Variants in GRIPAP1 observed in about 807,000 individuals in gnomAD.
GRIPAP1 encodes the protein GRIP1-associated protein 1.
A neutral mutation model predicts 84.1 loss-of-function variants in GRIPAP1; 14 were observed. The ratio of observed to expected loss-of-function variants is 0.17; its 90% CI spans 0.11 to 0.26. The LOEUF is 0.26. GRIPAP1 is among the 10% of genes least tolerant of loss of function. The pLI is 1.00. For missense variants in GRIPAP1, 518 were observed against 674.2 expected, an observed-to-expected ratio of 0.77 and a Z score of 2.57; for synonymous variants, 261 against 256.8, an observed-to-expected ratio of 1.02 and a Z score of -0.15.
chrX:48,975,757 G>A, intron 24 of GRIPAP1: 1 of 380,667 alleles, frequency 2.6e-6, no homozygotes, highest in Admixed American at 5.0e-5. Flanking sequence ...AGAGGAAGAT[G>A]AGGCACAGGG....
At chrX:48,988,010 C>CACACACACACACACACA in intron 12 of GRIPAP1, 111 bp downstream of exon 12, 1 of 630,923 alleles carries the variant, frequency 1.6e-6, no homozygotes, top group East Asian at 3.6e-5. Flanking sequence ...CACACACACA[C>CACACACACACACACACA]GAAGGCCTGG....
At position 48,978,301 on chromosome X, in the gene GRIPAP1, T is replaced by C. The variant is rs1402698518; in HGVS notation, c.2061+4A>G. 3 of 1,207,472 alleles carry C rather than the reference T, an allele frequency of 2.5e-6. No homozygotes were observed. In the Admixed American group the frequency reaches 6.6e-5, roughly 27 times the overall value. On this transcript the variant is annotated splice_donor_region_variant and intron_variant, in intron 22 of 25. Transcript: ENST00000376423. ...GGAGCTGTAGGTTCTTCCTTTCCCC[T>C]TACCCTGGCTGGAACAGCCGAGCTC...
intron 19 of GRIPAP1, 54 bp from the exon 20 acceptor site, chrX:48,981,526 T>C: frequency 8.5e-7 from 1 of 1,178,015 alleles, no homozygotes. Context: ...GCCTGAAGCA[T>C]GCTCCCTCCC....
At chrX:48,981,985 AG>A (rs1300453362) in intron 17 of GRIPAP1, 113 bp from the exon 18 acceptor site, 13 of 506,079 alleles carry the variant, frequency 2.6e-5, no homozygotes, top group African/African-American at 9.3e-5. Context: ...ACCCTCCTGC[AG>A]GGAACCCCAC....
chrX:49,002,257 T>TTCTGCGCGAGCTGCG lies in GRIPAP1; in HGVS notation c.-29_-28insCGCAGCTCGCGCAGA. The TTCTGCGCGAGCTGCG allele has an allele frequency of 9.8e-7, 1 of 1,023,688 alleles. No individual in the cohort carries two copies. The highest frequency in any genetic ancestry group is 1.4e-6 in the Non-Finnish European group (1 of 737,260). The allele number at this position is 1,023,688 out of a possible 1,213,427, so 84.4% of individuals were successfully genotyped here. A position where few individuals can be genotyped will look rare whatever the true frequency, so the allele number is the denominator to read the frequency against. On this transcript the variant is annotated 5_prime_UTR_variant, in exon 1 of 26. Transcript: ENST00000376423. ...TCCTCCCCCCACCCCCCCGCCAGCT[T>TTCTGCGCGAGCTGCG]TCTGCGCAGACGCAGCTCGCGCCTC... is the stretch of plus-strand genomic sequence containing the variant.
chrX:48,975,674 T>C (rs1159911909), intron 24 of GRIPAP1: 4 of 328,805 alleles, frequency 1.2e-5, no homozygotes, highest in African/African-American at 1.1e-4. Context: ...AGGAAAACAA[T>C]ATAGACAGCG....
At chrX:48,987,510 G>C (rs1557064220) in intron 13 of GRIPAP1, among the ~76,000 whole-genome samples, 1 of 94,668 alleles carries the variant, frequency 1.1e-5, no homozygotes, top group Non-Finnish European at 2.1e-5. Flanking sequence ...ACAGTGGTGC[G>C]ATCTCGGCTC....
intron 5 of GRIPAP1, among the ~76,000 whole-genome samples, chrX:48,996,359 A>G (rs956550129): frequency 3.6e-5 from 4 of 112,199 alleles, no homozygotes; most frequent in Admixed American, 9.5e-5. Flanking sequence ...TAATCCCAAC[A>G]CTTTGGGAGG....
intron 4 of GRIPAP1, among the ~76,000 whole-genome samples, 183 bp from the exon 5 acceptor site, chrX:48,997,540 A>T (rs782031976): frequency 9.1e-6 from 1 of 109,600 alleles, no homozygotes; most frequent in South Asian, 4.0e-4. Context: ...AAGGAAGATA[A>T]AGACATGGGA....
At chrX:48,994,892 G>A (rs1237667593) in intron 5 of GRIPAP1, among the ~76,000 whole-genome samples, 9 of 111,700 alleles carry the variant, frequency 8.1e-5, no homozygotes, top group Non-Finnish European at 1.5e-4. Flanking sequence ...GAATAATGTA[G>A]AGTACTTCAA....
chrX:48,995,175 C>T (rs2064540953), intron 5 of GRIPAP1, among the ~76,000 whole-genome samples: 1 of 112,061 alleles, frequency 8.9e-6, no homozygotes, highest in Non-Finnish European at 1.9e-5. Context: ...GAGAGCACTT[C>T]CAGTTCCTGG....
At chrX:48,996,920 A>C (rs1467745361) in intron 5 of GRIPAP1, among the ~76,000 whole-genome samples, 1 of 111,374 alleles carries the variant, frequency 9.0e-6, no homozygotes, top group African/African-American at 3.3e-5. Context: ...TCCTATATTA[A>C]GCATAAGAAC....
chrX:48,988,516 C>A (rs1298228573), intron 11 of GRIPAP1: 2 of 256,527 alleles, frequency 7.8e-6, no homozygotes, highest in Non-Finnish European at 1.4e-5. Flanking sequence ...AGCTTGGGAG[C>A]TCCAGGATTC....
At chrX:48,992,199 TTTTGCCATG>T (rs1341930329) in intron 6 of GRIPAP1, among the ~76,000 whole-genome samples, 1 of 111,430 alleles carries the variant, frequency 9.0e-6, no homozygotes, top group African/African-American at 3.3e-5. Context: ...AGAAATGGGG[TTTTGCCATG>T]TTGGCCAGGC....
chrX:48,976,446 C>T, intron 22 of GRIPAP1, 83 bp from the exon 23 acceptor site: 1 of 1,084,464 alleles, frequency 9.2e-7, no homozygotes, highest in Non-Finnish European at 1.2e-6. Context: ...GGGAGGAGAA[C>T]CAGGCCAGAG....
intron 15 of GRIPAP1, 107 bp from the exon 16 acceptor site, chrX:48,983,547 C>G: frequency 1.6e-6 from 1 of 641,593 alleles, no homozygotes. Flanking sequence ...TCCCTCCCAT[C>G]CCCACTGAAC....
intron 14 of GRIPAP1, 49 bp from the exon 15 acceptor site, chrX:48,983,919 G>C (rs1557063014): frequency 1.3e-6 from 1 of 762,135 alleles, no homozygotes. Flanking sequence ...CATCCAGTAG[G>C]TGCTAGTCAC....
At chrX:48,975,807 A>G in intron 24 of GRIPAP1, 1 of 426,013 alleles carries the variant, frequency 2.3e-6, no homozygotes, top group Non-Finnish European at 4.1e-6. Context: ...ACAATGGAGA[A>G]TGGAGAGTGG....
At position 48,999,273 on chromosome X, in the gene GRIPAP1, C is replaced by T. The variant is rs1464612429; in HGVS notation, c.136G>A (p.Ala46Thr). 2.5e-6 allele frequency: 3 copies of T among 1,207,022 alleles called. No homozygotes were observed. Among genetic ancestry groups the T allele is most frequent in the Non-Finnish European group, 3.4e-6 (3 of 892,855 alleles). ...VELTSLRQKV[A>T]YLDKEFSKAQ... is the part of the protein sequence containing the mutation. ...TTGCTGAACTCCTTATCCAAGTAGGCGACCTTCTGTCGAAGACTGGTGAGT... is the reference window on the plus strand; with the variant it reads ...TTGCTGAACTCCTTATCCAAGTAGGTGACCTTCTGTCGAAGACTGGTGAGT... The change falls in exon 3 of 26, where the codon GCC (alanine) becomes ACC (threonine). Residue 46 changes from alanine to threonine, a missense_variant. By Grantham distance (58) the Ala-to-Thr change is moderately conservative. Coordinates refer to ENST00000376423, the MANE Select transcript of GRIPAP1 (RefSeq NM_020137.5).
Sources: gnomAD v4.1 joint callset for allele counts (sites outside exome capture counted in the v4.1 genomes callset) on GRCh38, gnomAD v4.1.1 for gene constraint, MANE v1.5 for transcripts, NCBI Gene and HGNC (gene_info 2026-07-23, HGNC 2026-07-21) for gene names.